Variants in ZZEF1 observed in about 807,000 individuals in gnomAD.
The protein encoded by ZZEF1 is zinc finger ZZ-type and EF-hand domain-containing protein 1.
In ZZEF1, 157 loss-of-function variants were observed where a neutral mutation model predicts 342.8. That is an observed-to-expected ratio of 0.46 (90% CI 0.40 to 0.52). The LOEUF (loss-of-function observed/expected upper bound fraction) is 0.52. Ranked by LOEUF, ZZEF1 falls within the 20% of genes least tolerant of loss-of-function variation. ZZEF1 has a pLI of 0.00. For synonymous variants in ZZEF1, 1,505 were observed against 1,429.1 expected (o/e 1.05, Z -1.20); for missense variants, 3,480 against 3,725.6 (o/e 0.93, Z 1.72).
intron 43 of ZZEF1, among the ~76,000 whole-genome samples, chr17:4,024,285 C>T (rs1358858757): frequency 2.0e-5 from 3 of 146,960 alleles, no homozygotes; most frequent in Non-Finnish European, 4.5e-5. Flanking sequence ...ACAACCTCTG[C>T]CTCCCGGGTT....
chr17:4,104,867 A>T (rs1055028987), intron 7 of ZZEF1, 56 bp from the exon 8 acceptor site: 1 of 1,507,982 alleles, frequency 6.6e-7, no homozygotes, highest in Admixed American at 1.8e-5. Context: ...AAATCCAGGT[A>T]GCTCAAACCC....
In ZZEF1 at chr17:4,072,676, G is replaced by A. The variant is rs139226355; in HGVS notation, c.3766C>T (p.His1256Tyr). ...SSPLWKPVFR[H>Y]QVCPELELEA... ...AATTCCAACTCTGGACAAACCTGAT[G>A]CCTGAAGACAGGTTTCCACAGTGGG... is the stretch of plus-strand genomic sequence containing the variant. The change falls in exon 25 of 55, where the codon CAT (histidine) becomes TAT (tyrosine). Residue 1256 changes from histidine to tyrosine, a missense_variant. By Grantham distance (83) the His-to-Tyr change is moderately conservative. This residue lies in a region of ZZEF1 where 1,528 missense variants were observed against 1,624.1 expected (regional missense o/e 0.94). Transcript: ENST00000381638. 2.1e-3 allele frequency: 3,352 copies of A among 1,614,090 alleles called. 6 individuals carry two copies. The highest frequency in any genetic ancestry group is 2.6e-3 in the Middle Eastern group (16 of 6,062).
At chr17:4,045,952 C>A (rs970295968) in intron 37 of ZZEF1, among the ~76,000 whole-genome samples, 2 of 151,774 alleles carry the variant, frequency 1.3e-5, no homozygotes, top group African/African-American at 4.8e-5. Context: ...CTCAGCCTCA[C>A]GAGTAGCTGG....
At chr17:4,028,587 A>G (rs1350685402) in intron 42 of ZZEF1, among the ~76,000 whole-genome samples, 6 of 151,936 alleles carry the variant, frequency 3.9e-5, no homozygotes, top group Non-Finnish European at 7.4e-5. Context: ...AACCATCTTG[A>G]TAACTGCAAT....
chr17:4,087,677 AC>A, intron 13 of ZZEF1, 143 bp from the exon 14 acceptor site: 1 of 728,922 alleles, frequency 1.4e-6, no homozygotes, highest in East Asian at 2.8e-5. Flanking sequence ...CTTACTCTTA[AC>A]TACAAAAAGG....
chr17:4,140,316 C>T (rs532820710), intron 1 of ZZEF1, among the ~76,000 whole-genome samples: 25 of 152,328 alleles, frequency 1.6e-4, no homozygotes, highest in African/African-American at 5.8e-4. Context: ...CTGCCTGAAA[C>T]GCTGTTACTA....
chr17:4,137,677 C>A (rs1012600698), intron 1 of ZZEF1, among the ~76,000 whole-genome samples: 1 of 152,208 alleles, frequency 6.6e-6, no homozygotes, highest in Non-Finnish European at 1.5e-5. Context: ...CATCCACAGC[C>A]AGCCATCCCT....
At chr17:4,036,805 ACACACACACACACT>A (rs1375219483) in intron 39 of ZZEF1, among the ~76,000 whole-genome samples, 14 of 93,502 alleles carry the variant, frequency 1.5e-4, no homozygotes, top group Non-Finnish European at 2.2e-4. Flanking sequence ...ACACACACAC[ACACACACACACACT>A]CTCTCTCTCT....
At chr17:4,137,609 AAAT>A (rs546133221) in intron 1 of ZZEF1, among the ~76,000 whole-genome samples, 15 of 152,064 alleles carry the variant, frequency 9.9e-5, no homozygotes, top group Admixed American at 2.0e-4. Flanking sequence ...CTCTGTCTCA[AAAT>A]AATAATAATA....
rs759590320 is a variant in ZZEF1 at position 4,062,702 on chromosome 17, AT to A, written c.4883+50del. ...TAATCAGAGAAGATAATCAGGATTT[AT>A]TTACAATGATCTTTGCTGTTTTCCT... On this transcript the variant is annotated intron_variant, in intron 30 of 54. Coordinates refer to ENST00000381638, the MANE Select transcript of ZZEF1 (RefSeq NM_015113.4). 3.3e-6 allele frequency: 5 copies of A among 1,504,474 alleles called. No homozygotes were observed. The South Asian group carries it at 5.2e-5, about 16-fold the overall frequency. The allele number at this position is 1,504,474 out of a possible 1,614,324, so 93.2% of individuals were successfully genotyped here.
chr17:4,072,832 AGGTT>A, intron 24 of ZZEF1, 76 bp from the exon 25 acceptor site: 1 of 1,433,538 alleles, frequency 7.0e-7, no homozygotes, highest in Non-Finnish European at 9.4e-7. Flanking sequence ...GAGAAAGAAA[AGGTT>A]AAAAAAAACC....
intron 30 of ZZEF1, among the ~76,000 whole-genome samples, chr17:4,060,967 G>A (rs764510339): frequency 6.6e-5 from 10 of 152,154 alleles, no homozygotes; most frequent in Non-Finnish European, 1.3e-4. Flanking sequence ...ACACACAGAA[G>A]TACTCTTACA....
rs2056218085 is a variant in ZZEF1 at position 4,019,777 on chromosome 17, C to T, written c.7405-8G>A. 2 of 1,599,724 alleles carry T rather than the reference C, an allele frequency of 1.3e-6. No individual in the cohort carries two copies. Among genetic ancestry groups the T allele is most frequent in the African/African-American group, 1.4e-5 (1 of 73,940 alleles). ...GAGGGCATCATGAGCCATCTGGAGG[C>T]CAGGGGAGGACGCAGACAAGAACCA... On this transcript the variant is annotated splice_region_variant and splice_polypyrimidine_tract_variant and intron_variant, in intron 45 of 54. Transcript: ENST00000381638.
intron 30 of ZZEF1, 41 bp from the exon 31 acceptor site, chr17:4,059,331 A>C: frequency 6.3e-7 from 1 of 1,579,768 alleles, no homozygotes; most frequent in Non-Finnish European, 8.5e-7. Flanking sequence ...AATTGCCAGA[A>C]CATCTTTTTC....
intron 1 of ZZEF1, among the ~76,000 whole-genome samples, chr17:4,137,417 T>G (rs1037651262): frequency 6.6e-6 from 1 of 152,192 alleles, no homozygotes; most frequent in Admixed American, 6.5e-5. Flanking sequence ...GAGACCATCC[T>G]GGCTAACACG....
chr17:4,034,765 G>A (rs1032660721), intron 39 of ZZEF1, among the ~76,000 whole-genome samples: 1 of 152,226 alleles, frequency 6.6e-6, no homozygotes, highest in African/African-American at 2.4e-5. Context: ...GGGAGGCCAA[G>A]GCGGGAGAGT....
rs200117196 is a variant in ZZEF1, at chr17:4,044,305, C to T, written c.6085G>A (p.Val2029Ile). Residue 2029 changes from valine (V) to isoleucine (I), a missense_variant, in exon 38 of 55, where the codon GTA (valine) becomes ATA (isoleucine). By Grantham distance (29) the Val-to-Ile change is conservative (BLOSUM62 3). Coordinates refer to ENST00000381638, the MANE Select transcript of ZZEF1 (RefSeq NM_015113.4). ...FKQRNKADKG[V>I]SLSKDPSCQT... ...CATGAAGGATCCTTCGATAATGATA[C>T]ACCTTTATCTGCCTTATTTCTCTGC... The T allele has an allele frequency of 1.7e-5, 28 of 1,614,082 alleles. No homozygotes were observed. The East Asian group carries it at 6.0e-4, about 35-fold the overall frequency.
chr17:4,070,976 A>C, intron 25 of ZZEF1, 52 bp from the exon 26 acceptor site: 1 of 1,580,872 alleles, frequency 6.3e-7, no homozygotes, highest in South Asian at 1.2e-5. Context: ...TCAAAAAATA[A>C]AATTTATTGA....
At chr17:4,092,998 TA>T (rs1210277326) in intron 11 of ZZEF1, among the ~76,000 whole-genome samples, 2 of 150,722 alleles carry the variant, frequency 1.3e-5, no homozygotes, top group African/African-American at 4.9e-5. Flanking sequence ...GCATGCACAT[TA>T]ATATTTTGAT....
Sources: gnomAD v4.1 joint callset for allele counts (sites outside exome capture counted in the v4.1 genomes callset) on GRCh38, gnomAD v4.1.1 for gene constraint, gnomAD v4.1.1 regional missense constraint, MANE v1.5 for transcripts, NCBI Gene and HGNC (gene_info 2026-07-23, HGNC 2026-07-21) for gene names.